The following BTRC variants were observed in gnomAD, a reference collection of about 807,000 sequenced individuals.
BTRC encodes the protein beta-transducin repeat containing E3 ubiquitin protein ligase.
In BTRC, 42 loss-of-function variants were observed where a neutral mutation model predicts 85.5. That is an observed-to-expected ratio of 0.49 (90% CI 0.38 to 0.64). The LOEUF (loss-of-function observed/expected upper bound fraction) is 0.64, where lower values mean the gene tolerates loss of function less well. BTRC is among the 30% of genes least tolerant of loss of function. The pLI, the probability that BTRC is intolerant of heterozygous loss-of-function variation, is 0.00. For synonymous variants in BTRC, 255 were observed against 263.3 expected, an observed-to-expected ratio of 0.97 and a Z score of 0.30; for missense variants, 594 against 743.5, an observed-to-expected ratio of 0.80 and a Z score of 2.34.
At chr10:101,379,170 T>C (rs1942866952) in intron 1 of BTRC, among the ~76,000 whole-genome samples, 1 of 152,238 alleles carries the variant, frequency 6.6e-6, no homozygotes, top group Non-Finnish European at 1.5e-5. Context: ...AAAGGATTGC[T>C]TCCACTTATA....
intron 1 of BTRC, among the ~76,000 whole-genome samples, chr10:101,361,336 G>A (rs931227288): frequency 1.3e-5 from 2 of 152,064 alleles, no homozygotes; most frequent in Admixed American, 6.5e-5. Flanking sequence ...TCGATCTCCT[G>A]ACCTTGTGAT....
intron 1 of BTRC, among the ~76,000 whole-genome samples, chr10:101,397,043 A>G (rs1943381961): frequency 6.6e-6 from 1 of 152,158 alleles, no homozygotes; most frequent in Admixed American, 6.5e-5. Flanking sequence ...ACCACAGGTG[A>G]TCCACTCGCC....
chr10:101,505,348 G>A (rs143164847), intron 4 of BTRC, among the ~76,000 whole-genome samples: 2,925 of 150,442 alleles, frequency 0.019, 35 homozygotes, highest in Non-Finnish European at 0.03. Context: ...GGCCGGGCGC[G>A]GTGGCTTACG....
chr10:101,547,369 C>T (rs2062575694), intron 13 of BTRC, among the ~76,000 whole-genome samples: 1 of 118,506 alleles, frequency 8.4e-6, no homozygotes, highest in African/African-American at 3.1e-5. Context: ...CGGAGTCTCA[C>T]TCTTGTTACC....
At chr10:101,473,952 TA>T (rs1379647467) in intron 3 of BTRC, among the ~76,000 whole-genome samples, 1 of 152,184 alleles carries the variant, frequency 6.6e-6, no homozygotes, top group Non-Finnish European at 1.5e-5. Context: ...CTATTTAGTT[TA>T]TTTTTGGTTT....
intron 1 of BTRC, among the ~76,000 whole-genome samples, chr10:101,380,917 T>C (rs1942911968): frequency 6.6e-6 from 1 of 152,228 alleles, no homozygotes; most frequent in Non-Finnish European, 1.5e-5. Flanking sequence ...TATAACCTGT[T>C]GCTTGTGCAG....
intron 2 of BTRC, among the ~76,000 whole-genome samples, chr10:101,455,939 C>T (rs978808926): frequency 4.1e-5 from 6 of 145,516 alleles, no homozygotes; most frequent in Admixed American, 1.4e-4. Flanking sequence ...GTTAGGAGTT[C>T]GAGGCTAGCC....
At chr10:101,404,282 G>A (rs146072899) in intron 1 of BTRC, among the ~76,000 whole-genome samples, 8,436 of 151,134 alleles carry the variant, frequency 0.056, 775 homozygotes, top group African/African-American at 0.19. Context: ...CGCCCTCCTC[G>A]GCCTCCCAAA....
intron 1 of BTRC, among the ~76,000 whole-genome samples, chr10:101,360,648 G>A (rs770025776): frequency 2.6e-5 from 4 of 152,180 alleles, no homozygotes; most frequent in Non-Finnish European, 5.9e-5. Flanking sequence ...TGGGATTATA[G>A]GCATTAGCTA....
At chr10:101,481,907 G>C (rs765612187) in intron 4 of BTRC, among the ~76,000 whole-genome samples, 21 of 152,130 alleles carry the variant, frequency 1.4e-4, no homozygotes, top group Non-Finnish European at 2.5e-4. Context: ...CATTGCTTCA[G>C]ATTTGAGCCA....
At chr10:101,551,556 G>C (rs1473063666) in intron 14 of BTRC, among the ~76,000 whole-genome samples, 2 of 152,180 alleles carry the variant, frequency 1.3e-5, no homozygotes, top group Admixed American at 6.5e-5. Flanking sequence ...CATACCTGCT[G>C]TTCTAACCAG....
intron 4 of BTRC, among the ~76,000 whole-genome samples, chr10:101,496,006 G>A (rs919366862): frequency 1.1e-3 from 44 of 40,494 alleles, no homozygotes; most frequent in African/African-American, 3.1e-3. Flanking sequence ...GAATCATATA[G>A]TATTTTTTTT....
intron 4 of BTRC, among the ~76,000 whole-genome samples, chr10:101,486,819 G>A (rs7901355): frequency 0.96 from 146,121 of 152,260 alleles, 70,385 homozygotes; most frequent in East Asian, 1. Context: ...CAAATCTTTT[G>A]AAGATATTAT....
chr10:101,368,413 A>G (rs1288695043), intron 1 of BTRC, among the ~76,000 whole-genome samples: 3 of 149,130 alleles, frequency 2.0e-5, no homozygotes, highest in African/African-American at 7.5e-5. Context: ...ATTCCATTAT[A>G]GCAACGTAAA....
chr10:101,363,073 A>G (rs1342419814), intron 1 of BTRC, among the ~76,000 whole-genome samples: 1 of 152,158 alleles, frequency 6.6e-6, no homozygotes, highest in Non-Finnish European at 1.5e-5. Flanking sequence ...TTTGACTATA[A>G]TTATTTAGCA....
intron 4 of BTRC, among the ~76,000 whole-genome samples, chr10:101,510,811 T>C (rs1946683670): frequency 6.6e-6 from 1 of 152,194 alleles, no homozygotes; most frequent in Non-Finnish European, 1.5e-5. Flanking sequence ...TTCTCCTCCT[T>C]TGGTTTCTCC....
intron 1 of BTRC, among the ~76,000 whole-genome samples, chr10:101,366,777 TA>T (rs1252370687): frequency 8.3e-4 from 92 of 111,064 alleles, no homozygotes; most frequent in Non-Finnish European, 1.1e-3. Flanking sequence ...TATATATATA[TA>T]TATATATATA....
chr10:101,407,880 GC>G (rs1056121363), intron 1 of BTRC, among the ~76,000 whole-genome samples: 1 of 151,742 alleles, frequency 6.6e-6, no homozygotes. Context: ...GTACCACCAT[GC>G]CCAGCTAATT....
intron 4 of BTRC, among the ~76,000 whole-genome samples, chr10:101,520,652 T>G (rs1344731060): frequency 6.6e-6 from 1 of 152,170 alleles, no homozygotes; most frequent in African/African-American, 2.4e-5. Context: ...AACTTCTTAT[T>G]TGACAATTAA....
Sources: allele counts gnomAD v4.1 joint callset (sites outside exome capture counted in the v4.1 genomes callset), GRCh38; gene constraint gnomAD v4.1.1; transcripts MANE v1.5; gene names NCBI Gene and HGNC (gene_info 2026-07-23, HGNC 2026-07-21).